Variants in ABTB3 observed in about 807,000 individuals in gnomAD.
The protein encoded by ABTB3 is ankyrin repeat- and BTB/POZ domain-containing protein 3.
At chr12:107,418,238 A>C in the ABTB3 span, among the ~76,000 whole-genome samples, 4 of 152,318 alleles carry the variant, frequency 2.6e-5, no homozygotes, top group South Asian at 8.3e-4. Flanking sequence ...TTAGCCTCCC[A>C]GCCTATATCT....
chr12:107,389,296 G>T, the ABTB3 span, among the ~76,000 whole-genome samples: 2 of 152,128 alleles, frequency 1.3e-5, no homozygotes, highest in South Asian at 4.1e-4. Flanking sequence ...CCCCATAATA[G>T]CTAAACATTT....
chr12:107,326,165 A>G, the ABTB3 span, among the ~76,000 whole-genome samples: 1 of 152,198 alleles, frequency 6.6e-6, no homozygotes, highest in African/African-American at 2.4e-5. Context: ...TCCGCCTCCC[A>G]AAGTGCTGGG....
At chr12:107,563,897 T>C in the ABTB3 span, among the ~76,000 whole-genome samples, 2 of 152,108 alleles carry the variant, frequency 1.3e-5, no homozygotes, top group Non-Finnish European at 1.5e-5. Flanking sequence ...CGAATGTAGG[T>C]TGAGGCTAAT....
the ABTB3 span, among the ~76,000 whole-genome samples, chr12:107,496,638 C>T: frequency 1.2e-3 from 180 of 152,208 alleles, 2 homozygotes; most frequent in African/African-American, 3.7e-3. Context: ...TAGAAGAAGA[C>T]GAAGAAGCAT....
the ABTB3 span, among the ~76,000 whole-genome samples, chr12:107,416,842 A>T: frequency 6.6e-6 from 1 of 152,160 alleles, no homozygotes; most frequent in African/African-American, 2.4e-5. Context: ...TATGTTGTCC[A>T]GGCTGGTCTC....
chr12:107,597,308 A>G, the ABTB3 span, among the ~76,000 whole-genome samples: 1 of 152,236 alleles, frequency 6.6e-6, no homozygotes, highest in African/African-American at 2.4e-5. Context: ...TTCTGTTGCT[A>G]TAACAAAATA....
chr12:107,606,264 G>C, the ABTB3 span, among the ~76,000 whole-genome samples: 1 of 152,172 alleles, frequency 6.6e-6, no homozygotes, highest in Non-Finnish European at 1.5e-5. Context: ...GATGGTTTGA[G>C]TTCATACATA....
chr12:107,393,395 G>A, the ABTB3 span, among the ~76,000 whole-genome samples: 2 of 152,032 alleles, frequency 1.3e-5, no homozygotes, highest in Admixed American at 1.3e-4. Context: ...GGAATCCAAA[G>A]CCTCACTTCA....
chr12:107,539,396 C>T, the ABTB3 span, among the ~76,000 whole-genome samples: 201 of 152,238 alleles, frequency 1.3e-3, 2 homozygotes, highest in African/African-American at 4.6e-3. Context: ...TGTGAATGCC[C>T]GGAGGCAGGC....
At chr12:107,354,684 A>T in the ABTB3 span, among the ~76,000 whole-genome samples, 1 of 152,148 alleles carries the variant, frequency 6.6e-6, no homozygotes, top group African/African-American at 2.4e-5. Context: ...TTTGGCTATT[A>T]TGAAGCGGTT....
chr12:107,432,256 C>G, the ABTB3 span, among the ~76,000 whole-genome samples: 4 of 152,174 alleles, frequency 2.6e-5, no homozygotes, highest in East Asian at 5.8e-4. Context: ...TCAAAGGTTA[C>G]TCTGAGGCCT....
the ABTB3 span, among the ~76,000 whole-genome samples, chr12:107,464,206 AGTGTGTGTGTGTGTGTGTGTGT>A: frequency 1.2e-3 from 156 of 133,630 alleles, no homozygotes; most frequent in African/African-American, 3.1e-3. Context: ...ACATGTGAAG[AGTGTGTGTGTGTGTGTGTGTGT>A]GTGTGTGTGT....
chr12:107,620,107 G>C, the ABTB3 span: 1 of 1,614,176 alleles, frequency 6.2e-7, no homozygotes, highest in Non-Finnish European at 8.5e-7. Context: ...AGGAATACAC[G>C]GAGGAGCTCG....
At chr12:107,523,839 G>T in the ABTB3 span, among the ~76,000 whole-genome samples, 3 of 152,196 alleles carry the variant, frequency 2.0e-5, no homozygotes, top group Non-Finnish European at 4.4e-5. Flanking sequence ...CCCTAGAAAT[G>T]TAGGATCTGG....
At chr12:107,561,453 C>A in the ABTB3 span, among the ~76,000 whole-genome samples, 2 of 152,098 alleles carry the variant, frequency 1.3e-5, no homozygotes, top group African/African-American at 4.8e-5. Flanking sequence ...CCACTTAATG[C>A]CCCAGTCCAC....
the ABTB3 span, among the ~76,000 whole-genome samples, chr12:107,323,221 C>A: frequency 6.6e-6 from 1 of 152,094 alleles, no homozygotes; most frequent in African/African-American, 2.4e-5. Flanking sequence ...CTCAAGAAAT[C>A]CTCCCACCTC....
At chr12:107,496,730 T>C in the ABTB3 span, among the ~76,000 whole-genome samples, 1 of 152,122 alleles carries the variant, frequency 6.6e-6, no homozygotes, top group Non-Finnish European at 1.5e-5. Flanking sequence ...CCCCAACCCA[T>C]GAGGTAGATG....
At chr12:107,448,641 C>CT in the ABTB3 span, among the ~76,000 whole-genome samples, 1,055 of 147,772 alleles carry the variant, frequency 7.1e-3, 13 homozygotes, top group African/African-American at 0.026. Flanking sequence ...TTCTTTCTTT[C>CT]TTTCTTTTTT....
chr12:107,425,500 T>C, the ABTB3 span, among the ~76,000 whole-genome samples: 4 of 152,060 alleles, frequency 2.6e-5, no homozygotes, highest in East Asian at 3.8e-4. Flanking sequence ...TTTTGTATTA[T>C]ATGATTTTGC....
Sources: allele counts gnomAD v4.1 joint callset (sites outside exome capture counted in the v4.1 genomes callset), GRCh38; gene constraint gnomAD v4.1.1; transcripts MANE v1.5; gene names NCBI Gene and HGNC (gene_info 2026-07-23, HGNC 2026-07-21).